Variants in SOS1 observed in about 807,000 individuals in gnomAD.
The protein encoded by SOS1 is son of sevenless homolog 1.
SOS1 carries 25 observed loss-of-function variants against 157.6 expected under a neutral mutation model. The observed-to-expected ratio is 0.16, with a 90% CI of 0.12 to 0.22. SOS1 has a LOEUF of 0.22. Among genes scored for constraint, SOS1 ranks in the 10% least tolerant of loss-of-function variants. The probability of loss-of-function intolerance (pLI) is 1.00; values close to 1 mark genes in which losing one functional copy is unlikely to be tolerated. For synonymous variants in SOS1, 528 were observed against 534.0 expected, an observed-to-expected ratio of 0.99 and a Z score of 0.16; for missense variants, 1,237 against 1,599.1, an observed-to-expected ratio of 0.77 and a Z score of 3.86.
chr2:39,062,745 A>T lies in SOS1; in HGVS notation c.214-3941T>A, dbSNP rs192753069. The stretch of plus-strand genomic sequence containing the variant: ...GTCCAGTCAAGTAAAGAACAAGTAC[A>T]ATTATGAAAGGACAAGACCTAAGAA... On this transcript the variant is annotated intron_variant, in intron 2 of 22. Transcript: ENST00000402219. 1.6e-3 allele frequency among the ~76,000 whole-genome samples: 246 copies of T among 152,184 alleles called. 2 individuals are homozygous for T. Among genetic ancestry groups the T allele is most frequent in the African/African-American group, 5.4e-3 (224 of 41,574 alleles).
chr2:39,123,936 G>A (rs1310189741), upstream of SOS1, among the ~76,000 whole-genome samples: 3 of 152,200 alleles, frequency 2.0e-5, no homozygotes, highest in African/African-American at 7.2e-5. Flanking sequence ...TGACTGCAGA[G>A]GAAAACAAGC....
intron 1 of SOS1, 89 bp from the exon 2 acceptor site, chr2:39,067,842 G>C (rs1671642176): frequency 4.3e-6 from 5 of 1,167,264 alleles, no homozygotes; most frequent in Non-Finnish European, 6.4e-6. Flanking sequence ...TTTGTGGCCG[G>C]GCACGGTGGC....
chr2:39,109,872 A>G (rs1286495214), intron 1 of SOS1, among the ~76,000 whole-genome samples: 2 of 152,188 alleles, frequency 1.3e-5, no homozygotes, highest in African/African-American at 2.4e-5. Context: ...TAACATTCAA[A>G]AAGATCTAGA....
intron 1 of SOS1, among the ~76,000 whole-genome samples, chr2:39,106,184 TACACACACACACAC>T (rs35147616): frequency 6.8e-6 from 1 of 148,122 alleles, no homozygotes. Flanking sequence ...TGTGCTACTG[TACACACACACACAC>T]ACACACACAC....
intron 10 of SOS1, among the ~76,000 whole-genome samples, chr2:39,019,783 A>G (rs1669738784): frequency 6.6e-6 from 1 of 151,678 alleles, no homozygotes; most frequent in South Asian, 2.1e-4. Context: ...TAAAAAATCT[A>G]TGCATTCCAA....
intron 10 of SOS1, among the ~76,000 whole-genome samples, chr2:39,018,893 C>T (rs758043492): frequency 4.0e-5 from 6 of 151,730 alleles, no homozygotes; most frequent in Non-Finnish European, 5.9e-5. Context: ...AGGAAACAGA[C>T]GCTATGCTGA....
chr2:38,998,162 A>G (rs928696965), intron 17 of SOS1, among the ~76,000 whole-genome samples: 1 of 152,170 alleles, frequency 6.6e-6, no homozygotes, highest in Non-Finnish European at 1.5e-5. Flanking sequence ...AATGAACAAA[A>G]TAACAGGCAC....
intron 6 of SOS1, among the ~76,000 whole-genome samples, chr2:39,045,273 A>AGAGTGTGTGTGTGTGTGT (rs138343013): frequency 3.4e-4 from 37 of 108,092 alleles, no homozygotes; most frequent in Non-Finnish European, 4.6e-4. Context: ...AGAGAGAGAG[A>AGAGTGTGTGTGTGTGTGT]GTGTGTGTGT....
intron 6 of SOS1, among the ~76,000 whole-genome samples, chr2:39,044,662 A>G (rs1670688506): frequency 6.6e-6 from 1 of 152,150 alleles, no homozygotes; most frequent in African/African-American, 2.4e-5. Flanking sequence ...AGGATCAAAA[A>G]TACAGTATTT....
chr2:39,004,789 GA>G (rs1669231417), intron 17 of SOS1, among the ~76,000 whole-genome samples: 1 of 151,124 alleles, frequency 6.6e-6, no homozygotes, highest in African/African-American at 2.4e-5. Context: ...AAGAATGTAT[GA>G]AAAAAATCTC....
Position 38,985,748 on chromosome 2 carries a change from T to C in SOS1, c.*76A>G. 6.4e-7 allele frequency: 1 copy of C among 1,554,788 alleles called. No individual in the cohort carries two copies. The highest frequency in any genetic ancestry group is 8.9e-7 in the Non-Finnish European group (1 of 1,129,124). Reference sequence around the variant, plus strand: ...TGGAGTTCTCATTTTAACTCCTCAGTGCTGGCACATTCAGTGCATCCATTG... The same window carrying C: ...TGGAGTTCTCATTTTAACTCCTCAGCGCTGGCACATTCAGTGCATCCATTG... On this transcript the variant is annotated 3_prime_UTR_variant, in exon 23 of 23. Coordinates refer to ENST00000402219, the MANE Select transcript of SOS1 (RefSeq NM_005633.4).
At chr2:39,095,652 A>G (rs1032266074) in intron 1 of SOS1, among the ~76,000 whole-genome samples, 11 of 152,228 alleles carry the variant, frequency 7.2e-5, no homozygotes, top group African/African-American at 2.7e-4. Context: ...TGATGAAAAC[A>G]CACCAAGCCT....
chr2:39,056,792 G>T lies in SOS1; in HGVS notation c.420C>A (p.Asp140Glu), dbSNP rs1671228921. 6.2e-7 allele frequency: 1 copy of T among 1,600,732 alleles called. No homozygotes were observed. The highest frequency in any genetic ancestry group is 8.6e-7 in the Non-Finnish European group (1 of 1,168,100). The change falls in exon 4 of 23, where the codon GAC becomes GAA. Residue 140 changes from aspartate to glutamate, a missense_variant. Transcript: ENST00000402219. ...CATAATTCCCAACCAGCTTTAAAAT[G>T]TCTGCAGAAATGTATTCTAAGACTG... The part of the protein sequence containing the change: ...IVAVLEYISA[D>E]ILKLVGNYVR...
chr2:39,109,142 T>A (rs1376567482), intron 1 of SOS1, among the ~76,000 whole-genome samples: 1 of 152,240 alleles, frequency 6.6e-6, no homozygotes, highest in South Asian at 2.1e-4. Context: ...GGGGCTGCAG[T>A]AAGCCATGAT....
Position 39,120,481 on chromosome 2 carries a change from C to A in SOS1, c.-59G>T. ...GGCGGCGGCGGCCGGGCCAGGGAGC[C>A]GCGAGAGGGCGAGCTCGCAGCGCGG... On this transcript the variant is annotated 5_prime_UTR_variant, in exon 1 of 23. Coordinates refer to ENST00000402219, the MANE Select transcript of SOS1 (RefSeq NM_005633.4). 6.9e-7 allele frequency: 1 copy of A among 1,441,254 alleles called. No homozygotes were observed. The highest frequency in any genetic ancestry group is 9.1e-7 in the Non-Finnish European group (1 of 1,093,836). 89.3% of individuals were successfully genotyped at this position (1,441,254 alleles called of 1,614,324 possible). A position where few individuals can be genotyped will look rare whatever the true frequency, so the allele number is the denominator to read the frequency against.
chr2:39,062,714 A>C (rs1303302496), intron 2 of SOS1, among the ~76,000 whole-genome samples: 1 of 151,996 alleles, frequency 6.6e-6, no homozygotes, highest in Non-Finnish European at 1.5e-5. Context: ...ACAACAAAGG[A>C]AATCAGTCCA....
At chr2:39,056,108 A>G (rs1671201361) in intron 4 of SOS1, among the ~76,000 whole-genome samples, 1 of 152,218 alleles carries the variant, frequency 6.6e-6, no homozygotes, top group Admixed American at 6.5e-5. Context: ...GTAACCTTAC[A>G]AATCTTTCAA....
At chr2:39,112,103 G>A (rs1335264706) in intron 1 of SOS1, among the ~76,000 whole-genome samples, 1 of 152,004 alleles carries the variant, frequency 6.6e-6, no homozygotes, top group African/African-American at 2.4e-5. Context: ...AATCCATGGA[G>A]CCCTAATTTT....
chr2:39,115,350 G>A (rs1269628874), intron 1 of SOS1, among the ~76,000 whole-genome samples: 1 of 140,634 alleles, frequency 7.1e-6, no homozygotes, highest in Non-Finnish European at 1.5e-5. Flanking sequence ...CTTTCATTGA[G>A]TATAATTATT....
Sources: allele counts gnomAD v4.1 joint callset (sites outside exome capture counted in the v4.1 genomes callset), GRCh38; gene constraint gnomAD v4.1.1; transcripts MANE v1.5; gene names NCBI Gene and HGNC (gene_info 2026-07-23, HGNC 2026-07-21).